SGCZ: variants seen among roughly 807,000 people sequenced by gnomAD.
SGCZ encodes sarcoglycan zeta.
A neutral mutation model predicts 41.3 loss-of-function variants in SGCZ; 40 were observed. The observed-to-expected ratio is 0.97, with a 90% CI of 0.75 to 1.26. SGCZ has a LOEUF of 1.26. Among genes scored for constraint, SGCZ ranks in the 50% most tolerant of loss-of-function variants. The probability of loss-of-function intolerance (pLI) is 0.00; values close to 1 mark genes in which losing one functional copy is unlikely to be tolerated. For missense variants in SGCZ, 552 were observed against 369.8 expected, an observed-to-expected ratio of 1.49 and a Z score of -4.04; for synonymous variants, 206 against 137.5, an observed-to-expected ratio of 1.50 and a Z score of -3.49.
intron 1 of SGCZ, among the ~76,000 whole-genome samples, chr8:14,592,599 A>C (rs1277087382): frequency 7.2e-5 from 11 of 152,188 alleles, no homozygotes; most frequent in African/African-American, 2.7e-4. Context: ...TTATTCAAAA[A>C]AAAAATCTGT....
chr8:14,159,931 G>A (rs1261629919), intron 5 of SGCZ, among the ~76,000 whole-genome samples: 3 of 152,162 alleles, frequency 2.0e-5, no homozygotes, highest in East Asian at 3.9e-4. Context: ...CAGCTCTTCA[G>A]AAAGTCCTTT....
chr8:14,900,157 G>A (rs1798918407), intron 1 of SGCZ, among the ~76,000 whole-genome samples: 1 of 151,928 alleles, frequency 6.6e-6, no homozygotes, highest in South Asian at 2.1e-4. Flanking sequence ...CCACTTGACT[G>A]TAGACAGACA....
At chr8:14,934,603 T>G (rs1395808689) in intron 1 of SGCZ, among the ~76,000 whole-genome samples, 2 of 151,664 alleles carry the variant, frequency 1.3e-5, no homozygotes, top group Non-Finnish European at 2.9e-5. Flanking sequence ...CTTAAGACAC[T>G]TGAGGATATA....
In SGCZ at chr8:14,445,982, G is replaced by T. The variant is rs144909535; in HGVS notation, c.234+108750C>A. ...TGGCCAGATCCCACACACATTTGCT[G>T]ATGTGCTCCCTCCTGCAAGGGGTTG... is the stretch of plus-strand genomic sequence containing the variant. On this transcript the variant is annotated intron_variant, in intron 2 of 7. Coordinates refer to ENST00000382080, the MANE Select transcript of SGCZ (RefSeq NM_139167.4). Among the ~76,000 whole-genome samples the T allele has an allele frequency of 7.3e-4, 111 of 152,276 alleles. 1 individual carries two copies. The East Asian group carries it at 0.021, about 28-fold the overall frequency.
chr8:14,932,035 C>T (rs1424314758), intron 1 of SGCZ, among the ~76,000 whole-genome samples: 2 of 151,722 alleles, frequency 1.3e-5, no homozygotes, highest in Admixed American at 6.6e-5. Flanking sequence ...AAAGTATGTC[C>T]ATTTTTTCAG....
At chr8:14,226,595 C>G (rs1806381939) in intron 4 of SGCZ, among the ~76,000 whole-genome samples, 1 of 152,056 alleles carries the variant, frequency 6.6e-6, no homozygotes, top group Non-Finnish European at 1.5e-5. Flanking sequence ...TGCATTCATC[C>G]ATTCTCTTGC....
intron 4 of SGCZ, among the ~76,000 whole-genome samples, chr8:14,211,489 G>A (rs895579849): frequency 2.6e-5 from 4 of 152,130 alleles, no homozygotes; most frequent in Admixed American, 6.5e-5. Context: ...TTCTCACACT[G>A]CTGTAAAGAA....
intron 1 of SGCZ, among the ~76,000 whole-genome samples, chr8:14,714,314 A>G (rs1008914969): frequency 2.6e-5 from 4 of 152,160 alleles, no homozygotes; most frequent in Non-Finnish European, 4.4e-5. Flanking sequence ...ACAAACTTTT[A>G]AAAGTTTATA....
In SGCZ at chr8:14,847,629, G is replaced by C. The variant is rs185414088; in HGVS notation, c.40-292703C>G. Among the ~76,000 whole-genome samples, 3 of 148,280 alleles carry C rather than the reference G, an allele frequency of 2.0e-5. 1 individual carries two copies. Among genetic ancestry groups the C allele is most frequent in the Admixed American group, 1.4e-4 (2 of 14,658 alleles). On this transcript the variant is annotated intron_variant, in intron 1 of 7. Coordinates refer to ENST00000382080, the MANE Select transcript of SGCZ (RefSeq NM_139167.4). ...AAGAAAGGAAATAACTTTATAAAGA[G>C]GGAAGGAAGGAAGGAGGGAGGGAGG...
At chr8:14,628,655 G>C (rs1380258885) in intron 1 of SGCZ, among the ~76,000 whole-genome samples, 1 of 152,024 alleles carries the variant, frequency 6.6e-6, no homozygotes, top group Non-Finnish European at 1.5e-5. Flanking sequence ...CAAATGACAA[G>C]AGACAAAACA....
At chr8:14,823,825 C>G (rs1253245909) in intron 1 of SGCZ, among the ~76,000 whole-genome samples, 1 of 152,068 alleles carries the variant, frequency 6.6e-6, no homozygotes, top group Admixed American at 6.5e-5. Context: ...GATAATCAAA[C>G]TGAGCATGCA....
At chr8:14,911,746 T>C (rs1374522255) in intron 1 of SGCZ, among the ~76,000 whole-genome samples, 1 of 151,928 alleles carries the variant, frequency 6.6e-6, no homozygotes, top group Non-Finnish European at 1.5e-5. Context: ...TATATGAATA[T>C]ATGATTACCA....
rs371806422 is a variant in SGCZ, at chr8:14,097,097, A to C, written c.744+5279T>G. On this transcript the variant is annotated intron_variant, in intron 7 of 7. Transcript: ENST00000382080. ...AAGAGTTTTTTTGTGTATCTCCTTC[A>C]GTTCTGCTCTGATCATAGTCATTTC... Among the ~76,000 whole-genome samples the C allele has an allele frequency of 4.4e-4, 67 of 151,970 alleles. No homozygotes were observed. In the East Asian group the frequency reaches 4.5e-3, roughly 10 times the overall value.
intron 2 of SGCZ, among the ~76,000 whole-genome samples, chr8:14,416,440 A>G (rs1338850518): frequency 6.6e-6 from 1 of 151,960 alleles, no homozygotes. Flanking sequence ...AAGAGTATTC[A>G]AAATTATTTA....
intron 4 of SGCZ, among the ~76,000 whole-genome samples, chr8:14,217,122 C>G (rs747548255): frequency 6.6e-6 from 1 of 151,998 alleles, no homozygotes; most frequent in African/African-American, 2.4e-5. Context: ...CCTGTCTATA[C>G]TAAAAATACG....
At chr8:14,340,772 T>C (rs1033200587) in intron 2 of SGCZ, among the ~76,000 whole-genome samples, 14 of 152,202 alleles carry the variant, frequency 9.2e-5, no homozygotes, top group Non-Finnish European at 1.9e-4. Flanking sequence ...TGCTTTTTTA[T>C]TGTGGTAAAA....
intron 1 of SGCZ, among the ~76,000 whole-genome samples, chr8:14,747,807 C>T (rs1326445518): frequency 9.3e-5 from 14 of 150,086 alleles, no homozygotes; most frequent in Non-Finnish European, 1.9e-4. Flanking sequence ...CCACCTCCCA[C>T]GTTCAATCGA....
chr8:14,623,556 A>C (rs1806354463), intron 1 of SGCZ, among the ~76,000 whole-genome samples: 2 of 152,208 alleles, frequency 1.3e-5, no homozygotes, highest in Non-Finnish European at 2.9e-5. Flanking sequence ...GAGACTTCAA[A>C]TTTTTATTCA....
chr8:14,745,695 T>C (rs577050956), intron 1 of SGCZ, among the ~76,000 whole-genome samples: 59 of 150,274 alleles, frequency 3.9e-4, no homozygotes, highest in African/African-American at 1.4e-3. Context: ...ATACATGCCA[T>C]ATATATATAT....
Sources: allele counts gnomAD v4.1 joint callset (sites outside exome capture counted in the v4.1 genomes callset), GRCh38; gene constraint gnomAD v4.1.1; transcripts MANE v1.5; gene names NCBI Gene and HGNC (gene_info 2026-07-23, HGNC 2026-07-21).